EMILIN2: variants seen among roughly 807,000 people sequenced by gnomAD.
The protein encoded by EMILIN2 is elastin microfibril interfacer 2, also known as EMILIN-2.
EMILIN2 carries 71 observed loss-of-function variants against 87.1 expected under a neutral mutation model. The ratio of observed to expected loss-of-function variants is 0.82; its 90% CI spans 0.67 to 0.99. The LOEUF (loss-of-function observed/expected upper bound fraction) is 0.99. Among genes scored for constraint, EMILIN2 ranks in the 50% least tolerant of loss-of-function variants. The probability of loss-of-function intolerance (pLI) is 0.00; values close to 1 mark genes in which losing one functional copy is unlikely to be tolerated. For missense variants in EMILIN2, 1,407 were observed against 1,371.8 expected (o/e 1.03, Z -0.40); for synonymous variants, 581 against 563.4 (o/e 1.03, Z -0.44).
intron 2 of EMILIN2, among the ~76,000 whole-genome samples, chr18:2,869,772 GTGTGTGTGTGTGTT>G (rs1238414589): frequency 1.4e-4 from 7 of 48,474 alleles, no homozygotes; most frequent in African/African-American, 2.9e-4. Flanking sequence ...ATTCCTCTGT[GTGTGTGTGTGTGTT>G]TGTGTGTGTG....
In EMILIN2 at chr18:2,906,975, C is replaced by T; in HGVS notation, c.2552C>T (p.Ala851Val). 7.2e-7 allele frequency: 1 copy of T among 1,390,870 alleles called. No homozygotes were observed. The highest frequency in any genetic ancestry group is 9.3e-7 in the Non-Finnish European group (1 of 1,070,624). 86.2% of individuals were successfully genotyped at this position (1,390,870 alleles called of 1,614,324 possible). A position where few individuals can be genotyped will look rare whatever the true frequency, so the allele number is the denominator to read the frequency against. ...STGVIAETGQ[A>V]GPPAGAGVSG... ...GGGGTCATCGCGGAGACGGGCCAGGCCGGGCCCCCCGCAGGCGCAGGCGTG... is the reference window on the plus strand; with the variant it reads ...GGGGTCATCGCGGAGACGGGCCAGGTCGGGCCCCCCGCAGGCGCAGGCGTG... The change falls in exon 5 of 8, where the codon GCC becomes GTC. Residue 851 changes from alanine (A) to valine (V), a missense_variant. Ala to Val is a moderately conservative substitution (Grantham distance 64). Transcript: ENST00000254528.
Position 2,847,853 on chromosome 18 carries a change from T to C in EMILIN2, c.179T>C (p.Val60Ala). The change falls in exon 2 of 8, where the codon GTG (valine) becomes GCG (alanine). Residue 60 changes from valine to alanine, a missense_variant. Coordinates refer to ENST00000254528, the MANE Select transcript of EMILIN2 (RefSeq NM_032048.3). This position sits in a 1 kb window ranked among gnomAD's most constrained non-coding sequence, Gnocchi z 4.5. ...YIVNKNVSCS[V>A]LEGSESFIQA... is the part of the protein sequence containing the mutation. ...GTGAACAAGAATGTGAGCTGCTCCG[T>C]GCTGGAGGGAAGTGAGAGTTTTATT... The C allele has an allele frequency of 6.2e-7, 1 of 1,613,640 alleles. No homozygotes were observed. The highest frequency in any genetic ancestry group is 8.5e-7 in the Non-Finnish European group (1 of 1,179,822).
rs1042392594 is a variant in EMILIN2 at position 2,915,427 on chromosome 18, A to C, written c.*2023A>C. ...CTGAGCTTAAGGCTGTGGGGTTCGA[A>C]GCAGCCCTTCAAGAAGTCATCACCC... On this transcript the variant is annotated 3_prime_UTR_variant, in exon 8 of 8. Coordinates refer to ENST00000254528, the MANE Select transcript of EMILIN2 (RefSeq NM_032048.3). 6.6e-6 allele frequency: 1 copy of C among 152,210 alleles called. No homozygotes were observed. The highest frequency in any genetic ancestry group is 2.4e-5 in the African/African-American group (1 of 41,436). The allele number at this position is 152,210 out of a possible 1,614,324, so 9.4% of individuals were successfully genotyped here.
intron 2 of EMILIN2, among the ~76,000 whole-genome samples, chr18:2,856,528 C>T (rs2076628103): frequency 2.0e-5 from 3 of 152,164 alleles, no homozygotes; most frequent in South Asian, 2.1e-4. Flanking sequence ...TCCTCTTCCT[C>T]GTGTGCCTAA....
In EMILIN2 at chr18:2,885,580, G is replaced by A. The variant is rs182494736; in HGVS notation, c.433+441G>A. Reference sequence around the variant, plus strand: ...GTCGCCCAGGCTGGAGTGCAGTGGCGCAATCTCGGTTCACTGCAACCTCTG... The same window carrying A: ...GTCGCCCAGGCTGGAGTGCAGTGGCACAATCTCGGTTCACTGCAACCTCTG... On this transcript the variant is annotated intron_variant, in intron 3 of 7. Transcript: ENST00000254528. Among the ~76,000 whole-genome samples, 552 of 152,210 alleles carry A rather than the reference G, an allele frequency of 3.6e-3. 2 individuals carry two copies. Among genetic ancestry groups the A allele is most frequent in the Non-Finnish European group, 5.7e-3 (389 of 68,008 alleles).
rs1193132217 is a variant in EMILIN2 at position 2,847,417 on chromosome 18, A to G, written c.134+95A>G. On this transcript the variant is annotated intron_variant, in intron 1 of 7. Transcript: ENST00000254528. This position sits in a 1 kb window ranked among gnomAD's most constrained non-coding sequence, Gnocchi z 4.5. ...TGCCCTGCCAAAGACGACGAGCGGC[A>G]GCCGGGGGCCTCCCTTGGACTTCCC... The G allele has an allele frequency of 1.7e-6, 2 of 1,172,064 alleles. No individual in the cohort carries two copies. The highest frequency in any genetic ancestry group is 2.1e-6 in the Non-Finnish European group (2 of 938,142). 72.6% of individuals were successfully genotyped at this position (1,172,064 alleles called of 1,614,324 possible). A position where few individuals can be genotyped will look rare whatever the true frequency, so the allele number is the denominator to read the frequency against.
At chr18:2,895,277 G>A (rs549499780) in intron 4 of EMILIN2, among the ~76,000 whole-genome samples, 12 of 152,196 alleles carry the variant, frequency 7.9e-5, no homozygotes, top group African/African-American at 2.4e-4. Flanking sequence ...GGTATTTACC[G>A]AGCAGAGTAC....
At chr18:2,871,365 C>A (rs1163287485) in intron 2 of EMILIN2, among the ~76,000 whole-genome samples, 1 of 152,188 alleles carries the variant, frequency 6.6e-6, no homozygotes, top group Admixed American at 6.5e-5. Flanking sequence ...GCGTGAGCCA[C>A]CACACCTGGC....
intron 2 of EMILIN2, among the ~76,000 whole-genome samples, chr18:2,867,333 T>C (rs1415531321): frequency 6.6e-6 from 1 of 151,586 alleles, no homozygotes; most frequent in Non-Finnish European, 1.5e-5. Flanking sequence ...AGTTATTTAT[T>C]TTGTTTGTAG....
intron 2 of EMILIN2, among the ~76,000 whole-genome samples, chr18:2,858,583 G>GTGTGTGTGTGTGTGTGTGTGTGTATATA (rs1180735843): frequency 1.6e-5 from 1 of 63,042 alleles, no homozygotes; most frequent in African/African-American, 9.3e-5. Flanking sequence ...GTGTGTGTGT[G>GTGTGTGTGTGTGTGTGTGTGTGTATATA]TATATATATA....
intron 3 of EMILIN2, among the ~76,000 whole-genome samples, chr18:2,889,091 TTC>T (rs1425275441): frequency 6.6e-6 from 1 of 151,672 alleles, no homozygotes; most frequent in Non-Finnish European, 1.5e-5. Context: ...CAGTATTTCT[TTC>T]TTTCTTTTTC....
intron 6 of EMILIN2, 68 bp from the exon 7 acceptor site, chr18:2,909,623 T>C: frequency 6.3e-7 from 1 of 1,575,584 alleles, no homozygotes; most frequent in Non-Finnish European, 8.6e-7. Context: ...AGGCCTCAGT[T>C]TTCCAGGCCC....
chr18:2,862,505 C>T (rs1488547394), intron 2 of EMILIN2, among the ~76,000 whole-genome samples: 1 of 151,400 alleles, frequency 6.6e-6, no homozygotes, highest in African/African-American at 2.4e-5. Context: ...TGGTTTTTGT[C>T]ATTGGCTGGA....
rs1431957699 is a variant in EMILIN2 at position 2,864,349 on chromosome 18, T to C, written c.257+16418T>C. Among the ~76,000 whole-genome samples the C allele has an allele frequency of 3.9e-5, 6 of 152,370 alleles. No individual in the cohort carries two copies. The South Asian group carries it at 8.3e-4, about 21-fold the overall frequency. ...TTTACATTTTGGCATGTTTTTGCAG[T>C]GGCTGGTACCGGTTGTTCCTTTCCA... On this transcript the variant is annotated intron_variant, in intron 2 of 7. Transcript: ENST00000254528.
intron 2 of EMILIN2, among the ~76,000 whole-genome samples, chr18:2,854,594 A>G (rs1317305172): frequency 1.3e-5 from 2 of 152,108 alleles, no homozygotes; most frequent in Non-Finnish European, 2.9e-5. Context: ...GGAGTTCAAG[A>G]CCAGCCTGAT....
Position 2,847,680 on chromosome 18 carries a change from C to T in EMILIN2, c.135-129C>T, listed in dbSNP as rs2076582113. On this transcript the variant is annotated intron_variant, in intron 1 of 7. Transcript: ENST00000254528. The surrounding 1 kb of genome is among the most constrained non-coding windows in gnomAD (Gnocchi z 4.5). ...CCTCCGGCGTCTGCTCGGTGAAGCT[C>T]CCGCCTCCGCAGAGGGCGACGGGCC... The T allele has an allele frequency of 9.2e-6, 13 of 1,410,452 alleles. No individual in the cohort carries two copies. Among genetic ancestry groups the T allele is most frequent in the Non-Finnish European group, 1.1e-5 (12 of 1,072,302 alleles). 87.4% of individuals were successfully genotyped at this position (1,410,452 alleles called of 1,614,324 possible).
intron 2 of EMILIN2, among the ~76,000 whole-genome samples, chr18:2,872,723 C>T (rs11663534): frequency 0.012 from 1,754 of 152,150 alleles, 18 homozygotes; most frequent in Non-Finnish European, 0.018. Context: ...TTTCAAATTG[C>T]GAGGGTTCAT....
At chr18:2,864,412 C>A (rs1331413799) in intron 2 of EMILIN2, among the ~76,000 whole-genome samples, 1 of 152,128 alleles carries the variant, frequency 6.6e-6, no homozygotes, top group Non-Finnish European at 1.5e-5. Context: ...TTAGGGCAGG[C>A]CTGGTGGTGA....
At chr18:2,907,191 G>A (rs950645273) in intron 5 of EMILIN2, 106 bp downstream of exon 5, 5 of 1,152,124 alleles carry the variant, frequency 4.3e-6, no homozygotes, top group Admixed American at 4.3e-5. Context: ...CAGCCTTCGG[G>A]GGGGCAAGTT....
Sources: allele counts gnomAD v4.1 joint callset (sites outside exome capture counted in the v4.1 genomes callset), GRCh38; gene constraint gnomAD v4.1.1; non-coding constraint Gnocchi (gnomAD v3.1); transcripts MANE v1.5; gene names NCBI Gene and HGNC (gene_info 2026-07-23, HGNC 2026-07-21).